MDFIC2: variants seen among roughly 807,000 people sequenced by gnomAD.
MDFIC2 encodes the protein MyoD family inhibitor domain containing 2.
Position 70,206,601 on chromosome 3 carries a change from G to A in MDFIC2, c.278C>T (p.Thr93Ile). 2.5e-6 allele frequency: 1 copy of A among 397,852 alleles called. No individual in the cohort carries two copies. The highest frequency in any genetic ancestry group is 4.4e-6 in the Non-Finnish European group (1 of 225,516). The allele number at this position is 397,852 out of a possible 1,614,324, so 24.6% of individuals were successfully genotyped here. A position where few individuals can be genotyped will look rare whatever the true frequency, so the allele number is the denominator to read the frequency against. The part of the protein sequence containing the change: ...ECQTTFSYLQ[T>I]DTSVHHRDTD... Reference sequence around the variant, plus strand: ...GTCTCTGTGATGAACTGAAGTATCAGTTTGGAGGTAAGAAAATGTTGTTTG... The same window carrying A: ...GTCTCTGTGATGAACTGAAGTATCAATTTGGAGGTAAGAAAATGTTGTTTG... The change falls in exon 3 of 4, where the codon ACT becomes ATT. Residue 93 changes from threonine to isoleucine, a missense_variant. Thr to Ile is a moderately conservative substitution (Grantham distance 89). Transcript: ENST00000567252.
intron 2 of MDFIC2, among the ~76,000 whole-genome samples, chr3:70,257,899 A>T (rs890300709): frequency 6.6e-6 from 1 of 152,206 alleles, no homozygotes; most frequent in Non-Finnish European, 1.5e-5. Flanking sequence ...TATAATAATC[A>T]TGACAGCATG....
intron 2 of MDFIC2, among the ~76,000 whole-genome samples, chr3:70,287,269 G>T (rs1234881672): frequency 3.0e-5 from 4 of 133,978 alleles, no homozygotes; most frequent in Admixed American, 7.4e-5. Flanking sequence ...TAGCATGAAG[G>T]GTTGTTGAAT....
rs551676702 is a variant in MDFIC2, at chr3:70,195,091, C to T, written c.*1835G>A. 3.3e-5 allele frequency among the ~76,000 whole-genome samples: 5 copies of T among 152,324 alleles called. No individual in the cohort carries two copies. The highest frequency in any genetic ancestry group is 1.2e-4 in the African/African-American group (5 of 41,570). On this transcript the variant is annotated 3_prime_UTR_variant, in exon 4 of 4. Transcript: ENST00000567252. ...TTAGAACCCAAGTTAGAGTTCCTGA[C>T]ACTGCCAATAATTCACTGTGTGGTC...
intron 2 of MDFIC2, chr3:70,283,526 T>G (rs1007175924): frequency 2.0e-5 from 3 of 152,104 alleles, no homozygotes; most frequent in African/African-American, 7.2e-5. Flanking sequence ...TAGACAGAAC[T>G]GGGTTGAAAT....
At chr3:70,274,917 A>G (rs773630401) in intron 2 of MDFIC2, among the ~76,000 whole-genome samples, 3 of 152,200 alleles carry the variant, frequency 2.0e-5, no homozygotes, top group Non-Finnish European at 2.9e-5. Flanking sequence ...GATCTTTATT[A>G]GTTTGGCAAA....
At chr3:70,199,656 C>T (rs896527160) in intron 3 of MDFIC2, among the ~76,000 whole-genome samples, 3 of 152,106 alleles carry the variant, frequency 2.0e-5, no homozygotes, top group Non-Finnish European at 4.4e-5. Flanking sequence ...TTGCATATGG[C>T]CAATTTTTGT....
chr3:70,199,657 C>T (rs1389374736), intron 3 of MDFIC2, among the ~76,000 whole-genome samples: 2 of 152,092 alleles, frequency 1.3e-5, no homozygotes, highest in African/African-American at 4.8e-5. Context: ...TGCATATGGC[C>T]AATTTTTGTT....
At chr3:70,285,979 T>C (rs953763571) in intron 2 of MDFIC2, among the ~76,000 whole-genome samples, 1 of 151,692 alleles carries the variant, frequency 6.6e-6, no homozygotes, top group Non-Finnish European at 1.5e-5. Context: ...GATGAGTAGG[T>C]TGTGAAAATT....
Position 70,236,651 on chromosome 3 carries a change from A to G in MDFIC2, c.89-29861T>C, listed in dbSNP as rs112455533. Among the ~76,000 whole-genome samples, 103 of 152,196 alleles carry G rather than the reference A, an allele frequency of 6.8e-4. 2 individuals carry two copies. The highest frequency in any genetic ancestry group is 5.2e-3 in the South Asian group (25 of 4,810). ...CACTCTGTCACCCAGGCTGGAGTGC[A>G]GCGGCACAATCATGGCTCGCTGCAG... On this transcript the variant is annotated intron_variant, in intron 2 of 3. Coordinates refer to ENST00000567252, the MANE Select transcript of MDFIC2 (RefSeq NM_001364677.1).
intron 2 of MDFIC2, among the ~76,000 whole-genome samples, chr3:70,232,209 A>T (rs1438478579): frequency 6.6e-6 from 1 of 152,186 alleles, no homozygotes; most frequent in Non-Finnish European, 1.5e-5. Flanking sequence ...GAGGGTGTGC[A>T]CCATGTGAAA....
At chr3:70,279,677 C>A (rs1164032010) in intron 2 of MDFIC2, among the ~76,000 whole-genome samples, 1 of 152,166 alleles carries the variant, frequency 6.6e-6, no homozygotes, top group Non-Finnish European at 1.5e-5. Context: ...TCCATTTCTG[C>A]ATTTACAGAT....
chr3:70,239,380 C>T (rs560997879), intron 2 of MDFIC2, among the ~76,000 whole-genome samples: 7 of 152,298 alleles, frequency 4.6e-5, no homozygotes, highest in South Asian at 2.1e-4. Context: ...GAGTTCTCAA[C>T]GCTTCTCCAC....
At chr3:70,303,608 C>G (rs1352376123) in intron 2 of MDFIC2, among the ~76,000 whole-genome samples, 3 of 152,114 alleles carry the variant, frequency 2.0e-5, no homozygotes, top group Admixed American at 2.0e-4. Context: ...TTATTTTCCT[C>G]TCAAAAACCG....
chr3:70,312,399 G>T (rs1418069998), intron 1 of MDFIC2, among the ~76,000 whole-genome samples, 152 bp downstream of exon 1: 1 of 152,198 alleles, frequency 6.6e-6, no homozygotes, highest in East Asian at 1.9e-4. Context: ...AATTTATTGG[G>T]TGGGAATAAG....
chr3:70,203,342 G>A (rs938649847), intron 3 of MDFIC2, among the ~76,000 whole-genome samples: 1 of 152,076 alleles, frequency 6.6e-6, no homozygotes, highest in Non-Finnish European at 1.5e-5. Context: ...CCCCCACACT[G>A]AGTTCTTTAA....
intron 2 of MDFIC2, among the ~76,000 whole-genome samples, chr3:70,279,546 A>G (rs1186471089): frequency 6.6e-6 from 1 of 152,098 alleles, no homozygotes; most frequent in Non-Finnish European, 1.5e-5. Flanking sequence ...GTGTCACCCC[A>G]TCATCACCTT....
At chr3:70,280,252 T>C (rs1702066950) in intron 2 of MDFIC2, among the ~76,000 whole-genome samples, 1 of 152,158 alleles carries the variant, frequency 6.6e-6, no homozygotes. Flanking sequence ...AAGATGTTTG[T>C]GATTAAATTT....
At chr3:70,302,026 G>T (rs1702354051) in intron 2 of MDFIC2, among the ~76,000 whole-genome samples, 1 of 152,084 alleles carries the variant, frequency 6.6e-6, no homozygotes, top group African/African-American at 2.4e-5. Context: ...TGGAAATTTA[G>T]CTCAAGAAGA....
intron 2 of MDFIC2, among the ~76,000 whole-genome samples, chr3:70,270,032 A>T (rs1356532786): frequency 6.6e-6 from 1 of 152,204 alleles, no homozygotes; most frequent in Admixed American, 6.5e-5. Context: ...TGATAAATAA[A>T]TCCATGAGTT....
Sources: allele counts gnomAD v4.1 joint callset (sites outside exome capture counted in the v4.1 genomes callset), GRCh38; gene constraint gnomAD v4.1.1; transcripts MANE v1.5; gene names NCBI Gene and HGNC (gene_info 2026-07-23, HGNC 2026-07-21).